Variants in PCDHGA12 observed in about 807,000 individuals in gnomAD.
PCDHGA12 encodes protocadherin gamma-A12.
In PCDHGA12, 43 loss-of-function variants were observed where a neutral mutation model predicts 61.1. The observed-to-expected ratio is 0.70, with a 90% confidence interval of 0.55 to 0.91. The LOEUF (loss-of-function observed/expected upper bound fraction) is 0.91, where lower values mean the gene tolerates loss of function less well. PCDHGA12 is among the 40% of genes least tolerant of loss of function. PCDHGA12 has a pLI of 0.00. For missense variants in PCDHGA12, 1,236 were observed against 1,227.7 expected (o/e 1.01, Z -0.10); for synonymous variants, 520 against 542.9 (o/e 0.96, Z 0.59).
chr5:141,471,017 A>G (rs989277146), intron 1 of PCDHGA12, among the ~76,000 whole-genome samples: 3 of 143,850 alleles, frequency 2.1e-5, no homozygotes, highest in African/African-American at 7.8e-5. Context: ...GTGCCTGGTC[A>G]ATCATTTTTA....
At chr5:141,445,134 A>T (rs900226020) in intron 1 of PCDHGA12, among the ~76,000 whole-genome samples, 1 of 152,198 alleles carries the variant, frequency 6.6e-6, no homozygotes, top group East Asian at 1.9e-4. Context: ...TTAAAATTGT[A>T]TCTTCTAATT....
intron 1 of PCDHGA12, chr5:141,442,197 A>G (rs1267971703): frequency 1.3e-5 from 2 of 153,426 alleles, no homozygotes; most frequent in African/African-American, 4.8e-5. Context: ...ATTAATTTAT[A>G]TCTGGTGATT....
chr5:141,446,188 T>G (rs566309564), intron 1 of PCDHGA12, among the ~76,000 whole-genome samples: 28 of 152,326 alleles, frequency 1.8e-4, no homozygotes, highest in African/African-American at 6.3e-4. Context: ...TTTTGTTTAT[T>G]ATTATATTCC....
At chr5:141,500,930 G>A (rs1300719832) in intron 2 of PCDHGA12, among the ~76,000 whole-genome samples, 4 of 151,824 alleles carry the variant, frequency 2.6e-5, no homozygotes, top group Admixed American at 6.6e-5. Context: ...GTGCAGTGGC[G>A]CCATCTCGGC....
In PCDHGA12 at chr5:141,489,621, T is replaced by C. The variant is rs765666746; in HGVS notation, c.2425-5186T>C. 29 of 1,613,978 alleles carry C rather than the reference T, an allele frequency of 1.8e-5. No individual in the cohort carries two copies. The highest frequency in any genetic ancestry group is 1.6e-4 in the Middle Eastern group (1 of 6,084). On this transcript the variant is annotated intron_variant, in intron 1 of 3. Transcript: ENST00000252085. The surrounding 1 kb of genome is among the most constrained non-coding windows in gnomAD (Gnocchi z 4.5). ...TAGAGGTAGAGATCCTGGATCTCAATGACAACTCTCCTAGCTTTGCCACCC... is the reference window on the plus strand; with the variant it reads ...TAGAGGTAGAGATCCTGGATCTCAACGACAACTCTCCTAGCTTTGCCACCC...
intron 2 of PCDHGA12, among the ~76,000 whole-genome samples, chr5:141,500,906 G>C (rs1333707004): frequency 6.7e-6 from 1 of 149,672 alleles, no homozygotes; most frequent in African/African-American, 2.5e-5. Flanking sequence ...GTCTCGCTCT[G>C]TCTCCAGGCT....
intron 1 of PCDHGA12, among the ~76,000 whole-genome samples, chr5:141,444,150 GGA>G (rs1471930589): frequency 1.6e-4 from 18 of 114,012 alleles, no homozygotes; most frequent in Non-Finnish European, 2.3e-4. Context: ...TGTGTGTACT[GGA>G]TTTTTTTTTT....
chr5:141,447,388 T>C (rs1302757515), intron 1 of PCDHGA12, among the ~76,000 whole-genome samples: 3 of 152,166 alleles, frequency 2.0e-5, no homozygotes, highest in African/African-American at 7.2e-5. Flanking sequence ...TCTGCCCACC[T>C]CGGCCTCCCA....
In PCDHGA12 at chr5:141,476,316, G is replaced by A. The variant is rs536532455; in HGVS notation, c.2425-18491G>A. On this transcript the variant is annotated intron_variant, in intron 1 of 3. Coordinates refer to ENST00000252085, the MANE Select transcript of PCDHGA12 (RefSeq NM_003735.3). This position sits in a 1 kb window ranked among gnomAD's most constrained non-coding sequence, Gnocchi z 7.6. ...GGTAGCCTCTCAGCCCGCAGGTTCC[G>A]GGTGGTGTCTGGAGCTAGCCGAAGA... is the stretch of plus-strand genomic sequence containing the variant. The A allele has an allele frequency of 6.2e-7, 1 of 1,614,176 alleles. No individual in the cohort carries two copies. The highest frequency in any genetic ancestry group is 1.7e-5 in the Admixed American group (1 of 60,028).
At chr5:141,441,820 G>A in intron 1 of PCDHGA12, 1 of 359,390 alleles carries the variant, frequency 2.8e-6, no homozygotes, top group Non-Finnish European at 5.5e-6. Flanking sequence ...CCCAGCTCTG[G>A]AGCGCAATGG....
At chr5:141,453,321 T>TG (rs2098762672) in intron 1 of PCDHGA12, among the ~76,000 whole-genome samples, 2 of 151,876 alleles carry the variant, frequency 1.3e-5, no homozygotes, top group Admixed American at 6.6e-5. Context: ...ATTTTAGAGA[T>TG]GGGGTCTCAC....
At chr5:141,479,986 C>T (rs2099510881) in intron 1 of PCDHGA12, among the ~76,000 whole-genome samples, 1 of 152,200 alleles carries the variant, frequency 6.6e-6, no homozygotes, top group Non-Finnish European at 1.5e-5. Flanking sequence ...CATTTACCAA[C>T]TAGGAGTCTG....
chr5:141,496,723 T>G (rs1312615861), intron 2 of PCDHGA12, among the ~76,000 whole-genome samples: 3 of 152,212 alleles, frequency 2.0e-5, no homozygotes, highest in Non-Finnish European at 4.4e-5. Context: ...AAGTCATTAA[T>G]GTATTCATTC....
chr5:141,502,825 G>A (rs1487995525), intron 2 of PCDHGA12, among the ~76,000 whole-genome samples: 4 of 151,216 alleles, frequency 2.6e-5, no homozygotes, highest in South Asian at 2.1e-4. Flanking sequence ...TTTCCTTGGG[G>A]AAGCCTGGAC....
Position 141,489,172 on chromosome 5 carries a change from T to G in PCDHGA12, c.2425-5635T>G. 1 of 1,199,026 alleles carries G rather than the reference T, an allele frequency of 8.3e-7. No individual in the cohort carries two copies. Among genetic ancestry groups the G allele is most frequent in the East Asian group, 2.4e-5 (1 of 42,106 alleles). The allele number at this position is 1,199,026 out of a possible 1,614,324, so 74.3% of individuals were successfully genotyped here. ...ACATAAGAGACTTCAGCTGCTGCATTCCAAGCCCTGGGTCTACCTTGGAGA... is the reference window on the plus strand; with the variant it reads ...ACATAAGAGACTTCAGCTGCTGCATGCCAAGCCCTGGGTCTACCTTGGAGA... On this transcript the variant is annotated intron_variant, in intron 1 of 3. Coordinates refer to ENST00000252085, the MANE Select transcript of PCDHGA12 (RefSeq NM_003735.3). This position sits in a 1 kb window ranked among gnomAD's most constrained non-coding sequence, Gnocchi z 4.5.
chr5:141,462,418 T>A (rs1187388192), intron 1 of PCDHGA12, among the ~76,000 whole-genome samples: 2 of 152,250 alleles, frequency 1.3e-5, no homozygotes, highest in African/African-American at 2.4e-5. Context: ...ATATGGTCTA[T>A]CTTGGTGAGT....
At chr5:141,458,386 G>A (rs1037969327) in intron 1 of PCDHGA12, among the ~76,000 whole-genome samples, 3 of 152,188 alleles carry the variant, frequency 2.0e-5, no homozygotes, top group African/African-American at 4.8e-5. Context: ...GAAGGAAGAC[G>A]CTCCCCCTTG....
intron 1 of PCDHGA12, among the ~76,000 whole-genome samples, chr5:141,482,592 C>T (rs187714622): frequency 1.0e-4 from 15 of 142,934 alleles, no homozygotes; most frequent in East Asian, 6.1e-4. Context: ...TGGGACCAAA[C>T]GGGAAAAAAC....
At chr5:141,457,607 T>C (rs578113551) in intron 1 of PCDHGA12, among the ~76,000 whole-genome samples, 2 of 152,360 alleles carry the variant, frequency 1.3e-5, no homozygotes, top group African/African-American at 4.8e-5. Context: ...AAACTAATTA[T>C]GAATGAACTT....
Sources: allele counts gnomAD v4.1 joint callset (sites outside exome capture counted in the v4.1 genomes callset), GRCh38; gene constraint gnomAD v4.1.1; non-coding constraint Gnocchi (gnomAD v3.1); transcripts MANE v1.5; gene names NCBI Gene and HGNC (gene_info 2026-07-23, HGNC 2026-07-21).